PHACTR2: variants seen among roughly 807,000 people sequenced by gnomAD.
The protein encoded by PHACTR2 is phosphatase and actin regulator 2, also known as chromosome 6 open reading frame 56.
In PHACTR2, 30 loss-of-function variants were observed where a neutral mutation model predicts 76.0. The observed-to-expected ratio is 0.39, with a 90% CI of 0.30 to 0.54. The LOEUF (loss-of-function observed/expected upper bound fraction) is 0.54. PHACTR2 is among the 20% of genes least tolerant of loss of function. The probability of loss-of-function intolerance (pLI) is 0.61; values close to 1 mark genes in which losing one functional copy is unlikely to be tolerated. For synonymous variants in PHACTR2, 292 were observed against 292.5 expected (o/e 1.00, Z 0.02); for missense variants, 696 against 781.1 (o/e 0.89, Z 1.30).
Position 143,732,708 on chromosome 6 carries a change from GC to G in PHACTR2, c.215-16275del, listed in dbSNP as rs1396986387. 2.0e-5 allele frequency among the ~76,000 whole-genome samples: 3 copies of G among 152,230 alleles called. No individual in the cohort carries two copies. In the East Asian group the frequency reaches 5.8e-4, roughly 29 times the overall value. Reference sequence around the variant, plus strand: ...TCAATGTTTAACATTTTGAGGAACTGCCAAACTGTTTTTCAATGCAGCCACA... The same window carrying G: ...TCAATGTTTAACATTTTGAGGAACTGCAAACTGTTTTTCAATGCAGCCACA... On this transcript the variant is annotated intron_variant, in intron 2 of 12. Transcript: ENST00000440869.
At chr6:143,638,259 G>A (rs1229208129) in intron 1 of PHACTR2, among the ~76,000 whole-genome samples, 1 of 152,180 alleles carries the variant, frequency 6.6e-6, no homozygotes, top group Non-Finnish European at 1.5e-5. Flanking sequence ...GCAGAGGAAT[G>A]CCAGGTGCAG....
In PHACTR2 at chr6:143,709,819, A is replaced by T. The variant is rs1778132146; in HGVS notation, c.47-2197A>T. Among the ~76,000 whole-genome samples, 1 of 152,042 alleles carries T rather than the reference A, an allele frequency of 6.6e-6. No individual in the cohort carries two copies. The highest frequency in any genetic ancestry group is 1.5e-5 in the Non-Finnish European group (1 of 68,008). On this transcript the variant is annotated intron_variant, in intron 1 of 12. Transcript: ENST00000440869. The surrounding 1 kb of genome is among the most constrained non-coding windows in gnomAD (Gnocchi z 4.4). ...GGGGGAAGGGGAGAGATACCCAGTT[A>T]TTGCTGGGTAGGGCTGGATGTCACG... is the stretch of plus-strand genomic sequence containing the variant.
chr6:143,676,713 C>T (rs1026762984), upstream of PHACTR2, among the ~76,000 whole-genome samples: 1 of 151,312 alleles, frequency 6.6e-6, no homozygotes, highest in African/African-American at 2.4e-5. The surrounding 1 kb of genome is among the most constrained non-coding windows in gnomAD (Gnocchi z 4.8). Context: ...CTAATTAGAA[C>T]TCACATTTTG....
rs902205662 is a variant in PHACTR2 at position 143,684,307 on chromosome 6, C to T, written c.46+6098C>T. ...CTTTCTACATTTCACCAAATGATAC[C>T]CCAACCACTCACTTATTCTAGCCCA... On this transcript the variant is annotated intron_variant, in intron 1 of 12. Transcript: ENST00000440869. The surrounding 1 kb of genome is among the most constrained non-coding windows in gnomAD (Gnocchi z 4.3). 3.9e-5 allele frequency among the ~76,000 whole-genome samples: 6 copies of T among 152,114 alleles called. No homozygotes were observed. Among genetic ancestry groups the T allele is most frequent in the Admixed American group, 3.9e-4 (6 of 15,274 alleles).
intron 1 of PHACTR2, among the ~76,000 whole-genome samples, chr6:143,636,664 C>G (rs1042997864): frequency 2.6e-5 from 4 of 152,126 alleles, no homozygotes; most frequent in Non-Finnish European, 5.9e-5. Flanking sequence ...TAAACATTGC[C>G]CATGCATTAG....
upstream of PHACTR2, among the ~76,000 whole-genome samples, chr6:143,606,555 A>G (rs1193194367): frequency 1.3e-5 from 2 of 152,194 alleles, no homozygotes; most frequent in Non-Finnish European, 2.9e-5. Flanking sequence ...CCAATAGATG[A>G]GACTTCTTAG....
In PHACTR2 at chr6:143,537,099, G is replaced by A. The variant is rs1781124261; in HGVS notation, c.109G>A (p.Ala37Thr). Residue 37 changes from alanine to threonine, a missense_variant, in exon 1 of 12, where the codon GCC becomes ACC. Transcript: ENST00000367584. The surrounding 1 kb of genome is among the most constrained non-coding windows in gnomAD (Gnocchi z 4.4). The stretch of plus-strand genomic sequence containing the variant: ...GGCGCCCGCCCCGCCGGCGGCGCCT[G>A]CCCTGCGCTGGCTTCCCGGGGACCC... 7.5e-6 allele frequency: 2 copies of A among 267,228 alleles called. No individual in the cohort carries two copies. The highest frequency in any genetic ancestry group is 1.5e-5 in the Non-Finnish European group (2 of 136,626). 16.6% of individuals were successfully genotyped at this position (267,228 alleles called of 1,614,324 possible). A position where few individuals can be genotyped will look rare whatever the true frequency, so the allele number is the denominator to read the frequency against.
rs2128477292 is a variant in PHACTR2 at position 143,780,184 on chromosome 6, T to C, written c.1645+2801T>C. 6.6e-6 allele frequency among the ~76,000 whole-genome samples: 1 copy of C among 152,302 alleles called. No homozygotes were observed. The highest frequency in any genetic ancestry group is 1.9e-4 in the East Asian group (1 of 5,182). ...ACATGAAGAAAAGTTGGAGGAATTT[T>C]ACAGTAAATCCGCATATATCTACCA... On this transcript the variant is annotated intron_variant, in intron 9 of 12. Transcript: ENST00000440869. The surrounding 1 kb of genome is among the most constrained non-coding windows in gnomAD (Gnocchi z 4.4).
At chr6:143,637,730 C>T (rs756313590) in intron 1 of PHACTR2, among the ~76,000 whole-genome samples, 3 of 152,250 alleles carry the variant, frequency 2.0e-5, no homozygotes, top group African/African-American at 7.2e-5. Flanking sequence ...TGGCAGCTTG[C>T]TTCTTCAAAG....
At chr6:143,817,287 C>T (rs141776754) in intron 12 of PHACTR2, among the ~76,000 whole-genome samples, 4 of 152,226 alleles carry the variant, frequency 2.6e-5, no homozygotes, top group South Asian at 2.1e-4. Flanking sequence ...GCAGATTTGG[C>T]GAGGGCTAAA....
rs985385416 is a variant in PHACTR2 at position 143,646,249 on chromosome 6, GTGTCTA to G, written c.13+37938_13+37943del. ...CTAGGGTTTTATTTTCATTGTTAGA[GTGTCTA>G]TGTCTATGTCAGTAATTGGGATTAT... is the stretch of plus-strand genomic sequence containing the variant. On this transcript the variant is annotated intron_variant, in intron 1 of 11. Coordinates refer to the PHACTR2 transcript ENST00000305766. This position sits in a 1 kb window ranked among gnomAD's most constrained non-coding sequence, Gnocchi z 4.1. 2.4e-4 allele frequency among the ~76,000 whole-genome samples: 37 copies of G among 152,100 alleles called. No homozygotes were observed. Among genetic ancestry groups the G allele is most frequent in the African/African-American group, 8.4e-4 (35 of 41,426 alleles).
At chr6:143,768,746 G>C (rs1308212642) in intron 6 of PHACTR2, among the ~76,000 whole-genome samples, 4 of 152,180 alleles carry the variant, frequency 2.6e-5, no homozygotes, top group Admixed American at 2.6e-4. Context: ...GAGGGAGTGA[G>C]CTTAGTACAT....
chr6:143,634,322 A>G (rs961904439), intron 1 of PHACTR2, among the ~76,000 whole-genome samples: 1 of 152,244 alleles, frequency 6.6e-6, no homozygotes, highest in Non-Finnish European at 1.5e-5. Flanking sequence ...ATTAAACAAT[A>G]TGTTTTCCTG....
chr6:143,780,707 T>G lies in PHACTR2; in HGVS notation c.1646-2512T>G, dbSNP rs1175897825. Among the ~76,000 whole-genome samples, 1 of 152,214 alleles carries G rather than the reference T, an allele frequency of 6.6e-6. No individual in the cohort carries two copies. Among genetic ancestry groups the G allele is most frequent in the Non-Finnish European group, 1.5e-5 (1 of 68,040 alleles). Reference sequence around the variant, plus strand: ...TAACCACATGTATTATTTGTTTATTTATCGGAAATGCTTCTTGCGGGTCGT... The same window carrying G: ...TAACCACATGTATTATTTGTTTATTGATCGGAAATGCTTCTTGCGGGTCGT... On this transcript the variant is annotated intron_variant, in intron 9 of 12. Transcript: ENST00000440869. The surrounding 1 kb of genome is among the most constrained non-coding windows in gnomAD (Gnocchi z 4.4).
At position 143,709,965 on chromosome 6, in the gene PHACTR2, C is replaced by G. The variant is rs566935101; in HGVS notation, c.47-2051C>G. Among the ~76,000 whole-genome samples, 1 of 152,184 alleles carries G rather than the reference C, an allele frequency of 6.6e-6. No individual in the cohort carries two copies. Among genetic ancestry groups the G allele is most frequent in the Admixed American group, 6.5e-5 (1 of 15,280 alleles). On this transcript the variant is annotated intron_variant, in intron 1 of 12. Coordinates refer to ENST00000440869, the MANE Select transcript of PHACTR2 (RefSeq NM_001100164.2). The surrounding 1 kb of genome is among the most constrained non-coding windows in gnomAD (Gnocchi z 4.4). Reference sequence around the variant, plus strand: ...CCACTCTAGTAGGGGTATTAGGGGTCCTTTTCAGAGCCTCATGAGGGTGGA... The same window carrying G: ...CCACTCTAGTAGGGGTATTAGGGGTGCTTTTCAGAGCCTCATGAGGGTGGA...
rs2128488805 is a variant in PHACTR2, at chr6:143,827,910, A to C, written c.*4221A>C. The C allele has an allele frequency of 6.6e-6, 1 of 152,280 alleles. No homozygotes were observed. Among genetic ancestry groups the C allele is most frequent in the Admixed American group, 6.5e-5 (1 of 15,290 alleles). 9.4% of individuals were successfully genotyped at this position (152,280 alleles called of 1,614,324 possible). A position where few individuals can be genotyped will look rare whatever the true frequency, so the allele number is the denominator to read the frequency against. Reference sequence around the variant, plus strand: ...GTAATACCAGCACTTTGGGAGGCCAAGGTGGGTGGATCAGTTGAGGTCAGG... The same window carrying C: ...GTAATACCAGCACTTTGGGAGGCCACGGTGGGTGGATCAGTTGAGGTCAGG... On this transcript the variant is annotated 3_prime_UTR_variant, in exon 13 of 13. Coordinates refer to ENST00000440869, the MANE Select transcript of PHACTR2 (RefSeq NM_001100164.2).
rs1463293968 is a variant in PHACTR2, at chr6:143,791,220, G to A, written c.1845+2310G>A. 6.6e-6 allele frequency among the ~76,000 whole-genome samples: 1 copy of A among 151,876 alleles called. No homozygotes were observed. Among genetic ancestry groups the A allele is most frequent in the Non-Finnish European group, 1.5e-5 (1 of 67,942 alleles). On this transcript the variant is annotated intron_variant, in intron 11 of 12. Transcript: ENST00000440869. This position sits in a 1 kb window ranked among gnomAD's most constrained non-coding sequence, Gnocchi z 4.7. Reference sequence around the variant, plus strand: ...GCTTGGTCATCTGTATTATATGTTTGTTTTCTATGTCATTATTTGTTCTTT... The same window carrying A: ...GCTTGGTCATCTGTATTATATGTTTATTTTCTATGTCATTATTTGTTCTTT...
intron 1 of PHACTR2, among the ~76,000 whole-genome samples, chr6:143,568,873 G>T (rs1013482755): frequency 3.9e-5 from 6 of 152,210 alleles, no homozygotes; most frequent in Non-Finnish European, 8.8e-5. Context: ...TTATTATTGA[G>T]CTGGTGATTC....
Position 143,743,520 on chromosome 6 carries a change from G to GT in PHACTR2, c.215-5460dup, listed in dbSNP as rs1269856533. On this transcript the variant is annotated intron_variant, in intron 2 of 12. Coordinates refer to ENST00000440869, the MANE Select transcript of PHACTR2 (RefSeq NM_001100164.2). The surrounding 1 kb of genome is among the most constrained non-coding windows in gnomAD (Gnocchi z 5.0). ...GTACATTCTTGGGATGTTTTGGAAG[G>GT]TTTTTGCAAATGTCCTGTTGGGTGG... is the stretch of plus-strand genomic sequence containing the variant. Among the ~76,000 whole-genome samples, 8 of 152,218 alleles carry GT rather than the reference G, an allele frequency of 5.3e-5. No individual in the cohort carries two copies. Among genetic ancestry groups the GT allele is most frequent in the Non-Finnish European group, 1.0e-4 (7 of 68,032 alleles).
Sources: allele counts gnomAD v4.1 joint callset (sites outside exome capture counted in the v4.1 genomes callset), GRCh38; gene constraint gnomAD v4.1.1; non-coding constraint Gnocchi (gnomAD v3.1); transcripts MANE v1.5; gene names NCBI Gene and HGNC (gene_info 2026-07-23, HGNC 2026-07-21).